The following OPCML variants were observed in gnomAD, a reference collection of about 807,000 sequenced individuals.
OPCML encodes the protein opioid binding protein/cell adhesion molecule like, also known as opioid-binding protein/cell adhesion molecule.
In OPCML, 13 loss-of-function variants were observed where a neutral mutation model predicts 37.8. That is an observed-to-expected ratio of 0.34 (90% CI 0.22 to 0.55). The LOEUF (loss-of-function observed/expected upper bound fraction) is 0.55. Ranked by LOEUF, OPCML falls within the 20% of genes least tolerant of loss-of-function variation. The pLI, the probability that OPCML is intolerant of heterozygous loss-of-function variation, is 0.91. For missense variants in OPCML, 341 were observed against 435.6 expected (o/e 0.78, Z 1.93); for synonymous variants, 176 against 168.8 (o/e 1.04, Z -0.33).
intron 2 of OPCML, among the ~76,000 whole-genome samples, chr11:132,690,132 G>A (rs537555124): frequency 1.9e-4 from 29 of 152,144 alleles, no homozygotes; most frequent in African/African-American, 3.9e-4. Context: ...TTTTGGCAGC[G>A]TCTTACTATG....
intron 1 of OPCML, among the ~76,000 whole-genome samples, chr11:133,130,523 A>G (rs1411258345): frequency 1.3e-5 from 2 of 152,208 alleles, no homozygotes; most frequent in African/African-American, 4.8e-5. Context: ...AAAGACCTAA[A>G]TAAATTGATA....
rs1939016711 is a variant in OPCML, at chr11:133,205,312, G to A, written c.62-262302C>T. On this transcript the variant is annotated intron_variant, in intron 1 of 7. Transcript: ENST00000524381. This position sits in a 1 kb window ranked among gnomAD's most constrained non-coding sequence, Gnocchi z 4.8. The stretch of plus-strand genomic sequence containing the variant: ...TGGAAGCTCTACACCCCTCCCCGCT[G>A]CCTTGCCCCACACACCTCTTCCAGC... Among the ~76,000 whole-genome samples the A allele has an allele frequency of 6.6e-6, 1 of 152,166 alleles. No homozygotes were observed. The highest frequency in any genetic ancestry group is 2.4e-5 in the African/African-American group (1 of 41,448).
chr11:132,721,885 A>T (rs562457619), intron 2 of OPCML, among the ~76,000 whole-genome samples: 2 of 148,180 alleles, frequency 1.3e-5, no homozygotes, highest in South Asian at 2.2e-4. Flanking sequence ...AACTATTTGG[A>T]TTTCCTTTTA....
At chr11:133,513,032 A>G (rs1948192669) in intron 1 of OPCML, among the ~76,000 whole-genome samples, 1 of 152,244 alleles carries the variant, frequency 6.6e-6, no homozygotes, top group African/African-American at 2.4e-5. Flanking sequence ...CAAGGCATAA[A>G]GCTGAATTTC....
rs1205175988 is a variant in OPCML at position 133,011,214 on chromosome 11, C to T, written c.62-68204G>A. Among the ~76,000 whole-genome samples the T allele has an allele frequency of 2.6e-5, 4 of 152,182 alleles. No homozygotes were observed. The East Asian group carries it at 7.7e-4, about 29-fold the overall frequency. ...TTTGTGTCAAGCACATGGGATCAGG[C>T]CCTTTCTATGGAGTCTAAGTGGCAG... On this transcript the variant is annotated intron_variant, in intron 1 of 7. Coordinates refer to ENST00000524381, the MANE Select transcript of OPCML (RefSeq NM_001012393.5).
chr11:132,457,533 G>T (rs1253385951), intron 4 of OPCML, among the ~76,000 whole-genome samples: 1 of 152,204 alleles, frequency 6.6e-6, no homozygotes, highest in Non-Finnish European at 1.5e-5. Context: ...TATGGAGGAG[G>T]CAGGTGGTAA....
chr11:132,473,827 CA>C (rs550857665), intron 4 of OPCML, among the ~76,000 whole-genome samples: 2 of 151,856 alleles, frequency 1.3e-5, no homozygotes, highest in African/African-American at 4.8e-5. Context: ...CTCTGTCACA[CA>C]AAAAAATCAT....
At chr11:133,158,970 T>C (rs1384575937) in intron 1 of OPCML, among the ~76,000 whole-genome samples, 2 of 152,084 alleles carry the variant, frequency 1.3e-5, no homozygotes, top group African/African-American at 4.8e-5. Context: ...AATTGCACAC[T>C]CAGGTGGCAT....
In OPCML at chr11:132,706,014, G is replaced by C. The variant is rs756966613; in HGVS notation, c.147-48695C>G. 2.6e-5 allele frequency among the ~76,000 whole-genome samples: 4 copies of C among 152,024 alleles called. No homozygotes were observed. In the South Asian group the frequency reaches 8.3e-4, roughly 32 times the overall value. On this transcript the variant is annotated intron_variant, in intron 2 of 7. Transcript: ENST00000524381. ...GTAAAGACGGGGTTTCACCATGTTG[G>C]CCAGGCTGGTCTCAAACTCCTGACC...
chr11:133,098,360 C>T (rs113624930), intron 1 of OPCML, among the ~76,000 whole-genome samples: 13,864 of 151,706 alleles, frequency 0.091, 913 homozygotes, highest in African/African-American at 0.19. Flanking sequence ...GGACTACAGG[C>T]GCCCGCCACC....
chr11:132,636,410 A>G (rs1940502130), intron 3 of OPCML, among the ~76,000 whole-genome samples: 1 of 152,186 alleles, frequency 6.6e-6, no homozygotes, highest in South Asian at 2.1e-4. Context: ...GTAGCTTTGC[A>G]CTTTATTTAA....
At chr11:133,195,795 T>G (rs1938513329) in intron 1 of OPCML, among the ~76,000 whole-genome samples, 1 of 152,198 alleles carries the variant, frequency 6.6e-6, no homozygotes, top group Admixed American at 6.5e-5. Context: ...CATAGCTATA[T>G]TCTCCCTCAC....
chr11:132,449,055 C>A (rs891499200), intron 4 of OPCML, among the ~76,000 whole-genome samples: 3 of 152,206 alleles, frequency 2.0e-5, no homozygotes, highest in Non-Finnish European at 4.4e-5. Context: ...CTCAGGGTCA[C>A]TGTCCCACAA....
At chr11:133,380,767 T>A (rs972624353) in intron 1 of OPCML, among the ~76,000 whole-genome samples, 1 of 152,222 alleles carries the variant, frequency 6.6e-6, no homozygotes, top group Non-Finnish European at 1.5e-5. Flanking sequence ...TTCATATATT[T>A]AGTGTCTCCC....
At chr11:132,964,082 GCAAGA>G (rs1946158228) in intron 1 of OPCML, among the ~76,000 whole-genome samples, 1 of 152,188 alleles carries the variant, frequency 6.6e-6, no homozygotes, top group Admixed American at 6.5e-5. Context: ...AACCCAGAGG[GCAAGA>G]CACACCTAAT....
chr11:133,081,172 G>A (rs1948710679), intron 1 of OPCML, among the ~76,000 whole-genome samples: 2 of 152,152 alleles, frequency 1.3e-5, no homozygotes, highest in Non-Finnish European at 2.9e-5. Flanking sequence ...TGATGTCCCT[G>A]GTGGAGAGGG....
intron 2 of OPCML, among the ~76,000 whole-genome samples, chr11:132,711,897 G>A (rs1481010129): frequency 6.6e-6 from 1 of 152,072 alleles, no homozygotes; most frequent in East Asian, 1.9e-4. Flanking sequence ...TGCAATAATG[G>A]TATACACAAG....
At chr11:132,967,521 T>G (rs1946241693) in intron 1 of OPCML, among the ~76,000 whole-genome samples, 1 of 152,152 alleles carries the variant, frequency 6.6e-6, no homozygotes, top group Non-Finnish European at 1.5e-5. Context: ...TACCATCTGG[T>G]GTTATTTCAT....
At chr11:133,243,842 A>G (rs1940819950) in intron 1 of OPCML, among the ~76,000 whole-genome samples, 1 of 152,212 alleles carries the variant, frequency 6.6e-6, no homozygotes, top group South Asian at 2.1e-4. Context: ...AGCCAATGGG[A>G]CTTCATCCTA....
Sources: allele counts gnomAD v4.1 joint callset (sites outside exome capture counted in the v4.1 genomes callset), GRCh38; gene constraint gnomAD v4.1.1; non-coding constraint Gnocchi (gnomAD v3.1); transcripts MANE v1.5; gene names NCBI Gene and HGNC (gene_info 2026-07-23, HGNC 2026-07-21).